The following EXT1 variants were observed in gnomAD, a reference collection of about 807,000 sequenced individuals.
The protein encoded by EXT1 is exostosin glycosyltransferase 1, also known as exostosin-1.
Under a neutral mutation model 82.5 loss-of-function variants are expected in EXT1, and 20 were observed. The observed-to-expected ratio is 0.24, with a 90% CI of 0.17 to 0.35. The LOEUF is 0.35. EXT1 is among the 10% of genes least tolerant of loss of function. The probability of loss-of-function intolerance (pLI) is 1.00; values close to 1 mark genes in which losing one functional copy is unlikely to be tolerated. For missense variants in EXT1, 757 were observed against 936.5 expected, an observed-to-expected ratio of 0.81 and a Z score of 2.50; for synonymous variants, 348 against 350.8, an observed-to-expected ratio of 0.99 and a Z score of 0.09.
chr8:118,108,396 G>C (rs7009198), intron 1 of EXT1, among the ~76,000 whole-genome samples: 4,927 of 152,216 alleles, frequency 0.032, 241 homozygotes, highest in African/African-American at 0.1. Context: ...CCATAAACCA[G>C]ACAAAGAAAT....
intron 1 of EXT1, among the ~76,000 whole-genome samples, chr8:118,057,909 T>G (rs944018596): frequency 6.7e-6 from 1 of 150,114 alleles, no homozygotes; most frequent in African/African-American, 2.5e-5. Flanking sequence ...GAGGCAGAGG[T>G]TGCAGTGAGC....
chr8:117,809,455 G>A (rs1360632732), intron 8 of EXT1, among the ~76,000 whole-genome samples: 3 of 151,304 alleles, frequency 2.0e-5, no homozygotes, highest in African/African-American at 7.3e-5. Context: ...TGGCCAACAC[G>A]GTGAAACCCT....
chr8:117,881,980 A>G (rs1279002015), intron 1 of EXT1, among the ~76,000 whole-genome samples: 8 of 152,234 alleles, frequency 5.3e-5, no homozygotes, highest in Non-Finnish European at 1.2e-4. Flanking sequence ...ACTACGAAAA[A>G]GTCAAGTGCT....
intron 1 of EXT1, among the ~76,000 whole-genome samples, chr8:118,080,001 A>T (rs893109133): frequency 6.6e-6 from 1 of 152,204 alleles, no homozygotes; most frequent in Non-Finnish European, 1.5e-5. Context: ...TATTCAATAA[A>T]CATTCCCTAA....
chr8:117,799,994 A>T, intron 10 of EXT1, 97 bp from the exon 11 acceptor site: 1 of 1,332,164 alleles, frequency 7.5e-7, no homozygotes, highest in Non-Finnish European at 1.1e-6. Flanking sequence ...AGCAAGCAGC[A>T]AAGCTTGGGG....
chr8:118,041,426 A>G (rs1816524163), intron 1 of EXT1, among the ~76,000 whole-genome samples: 1 of 152,186 alleles, frequency 6.6e-6, no homozygotes, highest in African/African-American at 2.4e-5. Flanking sequence ...AGCAGCAAAC[A>G]AATGGATAAG....
intron 1 of EXT1, among the ~76,000 whole-genome samples, chr8:117,910,058 G>A (rs917922693): frequency 3.3e-5 from 5 of 152,130 alleles, no homozygotes; most frequent in Non-Finnish European, 1.5e-5. Flanking sequence ...ATAAGCCACC[G>A]CACCAGCATT....
At chr8:118,013,362 C>T (rs1004047073) in intron 1 of EXT1, among the ~76,000 whole-genome samples, 1 of 152,186 alleles carries the variant, frequency 6.6e-6, no homozygotes, top group Admixed American at 6.5e-5. Flanking sequence ...GAGCCCGTCA[C>T]TGCGCCCAAC....
chr8:117,945,404 G>A (rs1027371215), intron 1 of EXT1, among the ~76,000 whole-genome samples: 1 of 152,146 alleles, frequency 6.6e-6, no homozygotes, highest in Admixed American at 6.6e-5. Flanking sequence ...TTTCAAGCTG[G>A]ACTCCACGGA....
chr8:117,919,020 A>G (rs1365634517), intron 1 of EXT1, among the ~76,000 whole-genome samples: 1 of 151,980 alleles, frequency 6.6e-6, no homozygotes, highest in Non-Finnish European at 1.5e-5. Flanking sequence ...CCAAAAATCT[A>G]CTGTTAGCAG....
At chr8:117,871,880 C>T (rs746728576) in intron 1 of EXT1, among the ~76,000 whole-genome samples, 11 of 151,994 alleles carry the variant, frequency 7.2e-5, no homozygotes, top group African/African-American at 2.7e-4. Flanking sequence ...ATCCTAGCAC[C>T]GTGGGAGGCT....
In EXT1 at chr8:118,086,615, T is replaced by C. The variant is rs750915608; in HGVS notation, c.962+23470A>G. 4.2e-4 allele frequency among the ~76,000 whole-genome samples: 64 copies of C among 152,338 alleles called. 1 individual carries two copies. Among genetic ancestry groups the C allele is most frequent in the Middle Eastern group, 3.4e-3 (1 of 294 alleles). On this transcript the variant is annotated intron_variant, in intron 1 of 10. Coordinates refer to ENST00000378204, the MANE Select transcript of EXT1 (RefSeq NM_000127.3). ...AACTGATGCACTTATTTTAAGCTGT[T>C]CATTCTCTAGTAGATGACAACATGA...
chr8:117,804,023 G>A (rs1162771201), intron 10 of EXT1, among the ~76,000 whole-genome samples: 2 of 152,168 alleles, frequency 1.3e-5, no homozygotes, highest in African/African-American at 4.8e-5. Context: ...AAGAGAGTAT[G>A]GTTTGCTAGA....
chr8:117,824,804 C>A (rs570302875), intron 4 of EXT1, among the ~76,000 whole-genome samples: 1 of 152,088 alleles, frequency 6.6e-6, no homozygotes, highest in Non-Finnish European at 1.5e-5. Context: ...AACATATTTA[C>A]GAATAAAATT....
At chr8:118,001,673 C>T (rs1202769421) in intron 1 of EXT1, among the ~76,000 whole-genome samples, 1 of 151,962 alleles carries the variant, frequency 6.6e-6, no homozygotes, top group African/African-American at 2.4e-5. Flanking sequence ...TGTAGTAAAA[C>T]CAACATAATA....
chr8:117,862,984 G>GT (rs1812710696), intron 1 of EXT1, among the ~76,000 whole-genome samples: 1 of 152,150 alleles, frequency 6.6e-6, no homozygotes, highest in Admixed American at 6.5e-5. Context: ...GGTGGGAGTG[G>GT]TGGAGGTGTT....
intron 2 of EXT1, among the ~76,000 whole-genome samples, chr8:117,836,016 C>T (rs1812184076): frequency 6.6e-6 from 1 of 152,216 alleles, no homozygotes; most frequent in South Asian, 2.1e-4. Context: ...CATTCCTAGG[C>T]AGCAGTTCGT....
intron 1 of EXT1, among the ~76,000 whole-genome samples, chr8:117,895,307 G>A (rs890473455): frequency 6.6e-6 from 1 of 152,114 alleles, no homozygotes; most frequent in Non-Finnish European, 1.5e-5. Context: ...AGTTATAAAC[G>A]GGTTTCAATG....
At chr8:117,836,568 A>G (rs1306413943) in intron 2 of EXT1, among the ~76,000 whole-genome samples, 1 of 152,204 alleles carries the variant, frequency 6.6e-6, no homozygotes, top group Admixed American at 6.5e-5. Flanking sequence ...TGACTGTCTC[A>G]AGAGGACATT....
Sources: gnomAD v4.1 joint callset for allele counts (sites outside exome capture counted in the v4.1 genomes callset) on GRCh38, gnomAD v4.1.1 for gene constraint, MANE v1.5 for transcripts, NCBI Gene and HGNC (gene_info 2026-07-23, HGNC 2026-07-21) for gene names.